TIAM1: variants seen among roughly 807,000 people sequenced by gnomAD.
TIAM1 encodes the protein TIAM Rac1 associated GEF 1, also known as rho guanine nucleotide exchange factor TIAM1.
TIAM1 carries 65 observed loss-of-function variants against 163.5 expected under a neutral mutation model. That is an observed-to-expected ratio of 0.40 (90% CI 0.33 to 0.49). TIAM1 has a LOEUF of 0.49. TIAM1 is among the 20% of genes least tolerant of loss of function. The probability of loss-of-function intolerance (pLI) is 0.77; values close to 1 mark genes in which losing one functional copy is unlikely to be tolerated. For synonymous variants in TIAM1, 833 were observed against 810.1 expected (o/e 1.03, Z -0.48); for missense variants, 1,789 against 2,044.7 (o/e 0.87, Z 2.41).
chr21:31,541,380 C>G (rs779020307), intron 1 of TIAM1, among the ~76,000 whole-genome samples: 3 of 152,054 alleles, frequency 2.0e-5, no homozygotes, highest in Non-Finnish European at 4.4e-5. Context: ...TCGCTTCAGC[C>G]CCAGAGGTTG....
At chr21:31,507,969 T>A (rs1412574859) in intron 1 of TIAM1, among the ~76,000 whole-genome samples, 1 of 152,190 alleles carries the variant, frequency 6.6e-6, no homozygotes. Context: ...GATGAAGTCA[T>A]ACTGGCTTAA....
At chr21:31,186,814 A>G (rs760105129) in intron 14 of TIAM1, among the ~76,000 whole-genome samples, 187 bp downstream of exon 14, 9 of 152,178 alleles carry the variant, frequency 5.9e-5, no homozygotes, top group Non-Finnish European at 1.2e-4. Flanking sequence ...AAGTTCAAGA[A>G]TATGACCTTT....
intron 22 of TIAM1, 149 bp from the exon 23 acceptor site, chr21:31,136,190 CTAAGTTAAA>C: frequency 1.5e-6 from 1 of 646,320 alleles, no homozygotes; most frequent in Non-Finnish European, 2.6e-6. Context: ...TGAGATAATG[CTAAGTTAAA>C]CTGCTGGATT....
chr21:31,414,822 C>T (rs547831822), intron 2 of TIAM1, among the ~76,000 whole-genome samples: 1 of 152,344 alleles, frequency 6.6e-6, no homozygotes, highest in South Asian at 2.1e-4. Context: ...CACGTCCAAA[C>T]AAATATGTCA....
At chr21:31,456,105 TACA>T in intron 2 of TIAM1, among the ~76,000 whole-genome samples, 1 of 152,360 alleles carries the variant, frequency 6.6e-6, no homozygotes, top group Non-Finnish European at 1.5e-5. Flanking sequence ...AATATGTCAC[TACA>T]CTCAAGTGGT....
chr21:31,407,737 G>A (rs747291414), intron 2 of TIAM1, among the ~76,000 whole-genome samples: 31 of 142,694 alleles, frequency 2.2e-4, no homozygotes, highest in Non-Finnish European at 4.0e-4. Flanking sequence ...CCTGGTTTAC[G>A]CAGTTCTCCT....
At chr21:31,286,057 T>C (rs2073797291) in intron 2 of TIAM1, among the ~76,000 whole-genome samples, 1 of 152,156 alleles carries the variant, frequency 6.6e-6, no homozygotes, top group South Asian at 2.1e-4. Flanking sequence ...TGGGCAAGTA[T>C]GATAGTTGGG....
At chr21:31,210,722 AAAG>A (rs1417737495) in intron 10 of TIAM1, among the ~76,000 whole-genome samples, 2 of 126,860 alleles carry the variant, frequency 1.6e-5, no homozygotes, top group African/African-American at 7.3e-5. Context: ...AAAGAGAAAG[AAAG>A]AAAGAGAAAG....
intron 1 of TIAM1, among the ~76,000 whole-genome samples, chr21:31,508,222 C>T (rs1569397444): frequency 6.6e-6 from 1 of 152,180 alleles, no homozygotes; most frequent in Non-Finnish European, 1.5e-5. Context: ...TGGGAGACTA[C>T]ATTTGCATTG....
At chr21:31,511,737 A>G (rs2047216657) in intron 1 of TIAM1, among the ~76,000 whole-genome samples, 1 of 152,224 alleles carries the variant, frequency 6.6e-6, no homozygotes, top group Non-Finnish European at 1.5e-5. Context: ...AAAATTCACC[A>G]AAGTTCCAGG....
At chr21:31,430,237 T>TAC (rs1569324350) in intron 2 of TIAM1, among the ~76,000 whole-genome samples, 7 of 131,690 alleles carry the variant, frequency 5.3e-5, no homozygotes, top group African/African-American at 2.3e-4. Flanking sequence ...TATATATATA[T>TAC]ATATATATAT....
chr21:31,542,748 C>T (rs551310568), intron 1 of TIAM1, among the ~76,000 whole-genome samples: 1 of 152,264 alleles, frequency 6.6e-6, no homozygotes, highest in African/African-American at 2.4e-5. Flanking sequence ...GGGCAGATCA[C>T]TTGAGGTCAG....
intron 1 of TIAM1, among the ~76,000 whole-genome samples, chr21:31,485,303 C>T (rs1292630660): frequency 6.6e-6 from 1 of 152,152 alleles, no homozygotes; most frequent in African/African-American, 2.4e-5. Flanking sequence ...GCTTCTCAGA[C>T]ATGGGCTATT....
At position 31,537,442 on chromosome 21, in the gene TIAM1, C is replaced by CA. The variant is rs10578615; in HGVS notation, c.-422+21484dup. Among the ~76,000 whole-genome samples the CA allele has an allele frequency of 5.1e-3, 673 of 132,496 alleles. 1 individual carries two copies. Among genetic ancestry groups the CA allele is most frequent in the African/African-American group, 5.4e-3 (193 of 35,606 alleles). 86.9% of individuals were successfully genotyped at this position (132,496 alleles called of 152,430 possible). A position where few individuals can be genotyped will look rare whatever the true frequency, so the allele number is the denominator to read the frequency against. On this transcript the variant is annotated intron_variant, in intron 1 of 28. Coordinates refer to the TIAM1 transcript ENST00000286827. ...TATAAACCAATACTGCAAGAAATCG[C>CA]AAAAAAAAAAAAAAAAAGTATTAAT...
rs1279053911 is a variant in TIAM1 at position 31,394,728 on chromosome 21, T to TCTCG, written c.-368-55307_-368-55306insCGAG. Among the ~76,000 whole-genome samples the TCTCG allele has an allele frequency of 4.8e-4, 46 of 95,704 alleles. 1 individual carries two copies. The highest frequency in any genetic ancestry group is 1.8e-3 in the African/African-American group (44 of 24,224). 62.8% of individuals were successfully genotyped at this position (95,704 alleles called of 152,430 possible). On this transcript the variant is annotated intron_variant, in intron 2 of 28. Coordinates refer to the TIAM1 transcript ENST00000286827. Reference sequence around the variant, plus strand: ...CTCTCGCTCTCTCTCTCTCTCTCTCTCACACACACACACACACACACACAC... The same window carrying TCTCG: ...CTCTCGCTCTCTCTCTCTCTCTCTCTCTCGCACACACACACACACACACACACAC...
rs2075999744 is a variant in TIAM1, at chr21:31,341,003, G to T, written c.-368-1581C>A. Among the ~76,000 whole-genome samples the T allele has an allele frequency of 7.2e-5, 11 of 152,154 alleles. No homozygotes were observed. The South Asian group carries it at 1.9e-3, about 26-fold the overall frequency. On this transcript the variant is annotated intron_variant, in intron 1 of 27. Coordinates refer to ENST00000541036, the MANE Select transcript of TIAM1 (RefSeq NM_001353694.2). ...CATAATGAAGAGAGAACAAATGGGGGAAGTGGTTTTTGTTTTATTCTACGG... is the reference window on the plus strand; with the variant it reads ...CATAATGAAGAGAGAACAAATGGGGTAAGTGGTTTTTGTTTTATTCTACGG...
intron 13 of TIAM1, among the ~76,000 whole-genome samples, chr21:31,190,281 G>A (rs946882871): frequency 2.0e-5 from 3 of 152,144 alleles, no homozygotes; most frequent in East Asian, 1.9e-4. Flanking sequence ...ATGGTGGCAC[G>A]TGCCTTGTAG....
chr21:31,254,432 G>A (rs1242510671), intron 4 of TIAM1, among the ~76,000 whole-genome samples: 1 of 152,218 alleles, frequency 6.6e-6, no homozygotes, highest in Non-Finnish European at 1.5e-5. Context: ...GGTGGCTCAT[G>A]CCTATAATCC....
chr21:31,399,933 G>A (rs2077136513), intron 2 of TIAM1, among the ~76,000 whole-genome samples: 1 of 151,910 alleles, frequency 6.6e-6, no homozygotes, highest in Non-Finnish European at 1.5e-5. Flanking sequence ...CACTTTCATT[G>A]ATTTCTAAGG....
Sources: gnomAD v4.1 joint callset for allele counts (sites outside exome capture counted in the v4.1 genomes callset) on GRCh38, gnomAD v4.1.1 for gene constraint, MANE v1.5 for transcripts, NCBI Gene and HGNC (gene_info 2026-07-23, HGNC 2026-07-21) for gene names.